The following PEX5L variants were observed in gnomAD, a reference collection of about 807,000 sequenced individuals.
PEX5L encodes the protein peroxisomal biogenesis factor 5 like.
PEX5L carries 30 observed loss-of-function variants against 84.0 expected under a neutral mutation model. The ratio of observed to expected loss-of-function variants is 0.36; its 90% CI spans 0.27 to 0.48. The LOEUF (loss-of-function observed/expected upper bound fraction) is 0.48, where lower values mean the gene tolerates loss of function less well. Among genes scored for constraint, PEX5L ranks in the 20% least tolerant of loss-of-function variants. PEX5L has a pLI of 0.99. For missense variants in PEX5L, 533 were observed against 754.6 expected, an observed-to-expected ratio of 0.71 and a Z score of 3.44; for synonymous variants, 270 against 283.1, an observed-to-expected ratio of 0.95 and a Z score of 0.46.
chr3:179,947,546 G>A (rs1323055925), intron 2 of PEX5L, among the ~76,000 whole-genome samples: 1 of 151,816 alleles, frequency 6.6e-6, no homozygotes, highest in Non-Finnish European at 1.5e-5. Context: ...TACAGTAGTA[G>A]AATAACACAG....
At chr3:179,805,992 AT>A (rs1177211279) in intron 14 of PEX5L, among the ~76,000 whole-genome samples, 6 of 150,390 alleles carry the variant, frequency 4.0e-5, no homozygotes, top group South Asian at 4.1e-4. Context: ...TTGAAAAAAA[AT>A]ATATAAAATA....
intron 7 of PEX5L, 93 bp from the exon 8 acceptor site, chr3:179,859,250 C>T (rs983433651): frequency 2.2e-6 from 2 of 922,506 alleles, no homozygotes; most frequent in African/African-American, 3.3e-5. Flanking sequence ...TTTCACTTCC[C>T]TAGAGTTCAA....
At chr3:179,807,549 C>T (rs900071427) in intron 14 of PEX5L, 125 bp downstream of exon 14, 20 of 855,332 alleles carry the variant, frequency 2.3e-5, no homozygotes, top group Non-Finnish European at 3.5e-5. Flanking sequence ...TCCACATTCA[C>T]CCTTAACGGC....
intron 1 of PEX5L, chr3:179,973,628 T>C: frequency 1.0e-6 from 1 of 985,416 alleles, no homozygotes; most frequent in African/African-American, 1.7e-5. Context: ...ATTCTAAACT[T>C]TCTTGACAAT....
In PEX5L at chr3:179,896,599, C is replaced by G. The variant is rs113653593; in HGVS notation, c.198+1543G>C. Among the ~76,000 whole-genome samples the G allele has an allele frequency of 5.8e-4, 89 of 152,220 alleles. 1 individual carries two copies. The highest frequency in any genetic ancestry group is 2.0e-3 in the African/African-American group (82 of 41,540). On this transcript the variant is annotated intron_variant, in intron 3 of 14. Coordinates refer to ENST00000467460, the MANE Select transcript of PEX5L (RefSeq NM_016559.3). ...TGTGAAAAGATTATCAGAAAGTACA[C>G]AGCAATGCGTGATTTTGTGAAAAAA...
At chr3:179,890,891 G>A (rs767174277) in intron 3 of PEX5L, among the ~76,000 whole-genome samples, 5 of 151,622 alleles carry the variant, frequency 3.3e-5, no homozygotes, top group Admixed American at 6.6e-5. Flanking sequence ...ACATCTAAAT[G>A]GAAAGCAAAG....
intron 1 of PEX5L, among the ~76,000 whole-genome samples, chr3:180,001,171 G>A (rs985244684): frequency 1.3e-5 from 2 of 151,960 alleles, no homozygotes; most frequent in African/African-American, 2.4e-5. Context: ...TCTTTCTCCC[G>A]TGCTGGATGC....
At chr3:179,838,398 A>G (rs1260044840) in intron 8 of PEX5L, among the ~76,000 whole-genome samples, 1 of 152,230 alleles carries the variant, frequency 6.6e-6, no homozygotes, top group Admixed American at 6.5e-5. Flanking sequence ...CAATTTCAAG[A>G]GTATTAAAAG....
chr3:179,928,682 T>A (rs986891402), intron 2 of PEX5L, among the ~76,000 whole-genome samples: 3 of 152,216 alleles, frequency 2.0e-5, no homozygotes, highest in Non-Finnish European at 4.4e-5. Context: ...GTGTTAGATC[T>A]AAAACTCAGT....
At chr3:179,967,241 T>C (rs900546872) in intron 2 of PEX5L, among the ~76,000 whole-genome samples, 2 of 152,174 alleles carry the variant, frequency 1.3e-5, no homozygotes. Context: ...AGCATGGGAC[T>C]GGATGGCAGG....
At chr3:180,006,956 C>T (rs375053649) in intron 1 of PEX5L, among the ~76,000 whole-genome samples, 38 of 152,224 alleles carry the variant, frequency 2.5e-4, no homozygotes, top group Non-Finnish European at 5.3e-4. Flanking sequence ...ATCTCATGTC[C>T]TTACATTTCA....
At chr3:179,988,421 A>AATAAATAG (rs1384682689) in intron 1 of PEX5L, among the ~76,000 whole-genome samples, 2 of 148,114 alleles carry the variant, frequency 1.4e-5, no homozygotes, top group Non-Finnish European at 3.0e-5. Flanking sequence ...TAAATAAATA[A>AATAAATAG]AATAAAAAAA....
At chr3:179,947,897 A>G (rs959603602) in intron 2 of PEX5L, among the ~76,000 whole-genome samples, 8 of 151,838 alleles carry the variant, frequency 5.3e-5, no homozygotes, top group African/African-American at 1.5e-4. Flanking sequence ...TAGTAGAGAC[A>G]GTGTTTCACC....
intron 1 of PEX5L, among the ~76,000 whole-genome samples, chr3:180,005,576 A>G (rs1579314112): frequency 6.6e-6 from 1 of 152,166 alleles, no homozygotes; most frequent in African/African-American, 2.4e-5. Context: ...AAAACACAAA[A>G]AAATTGGCCA....
Position 179,847,100 on chromosome 3 carries a change from T to TAC in PEX5L, c.822+11961_822+11962insGT, listed in dbSNP as rs1312820195. On this transcript the variant is annotated intron_variant, in intron 8 of 14. Coordinates refer to ENST00000467460, the MANE Select transcript of PEX5L (RefSeq NM_016559.3). ...GTGTGTGTATATATATATATATATA[T>TAC]GTATATCCACCCACCCCACCCAACC... Among the ~76,000 whole-genome samples the TAC allele has an allele frequency of 2.7e-5, 4 of 149,018 alleles. No individual in the cohort carries two copies. The East Asian group carries it at 7.8e-4, about 29-fold the overall frequency.
chr3:180,023,833 C>T (rs1024190170), intron 1 of PEX5L, among the ~76,000 whole-genome samples: 4 of 148,244 alleles, frequency 2.7e-5, no homozygotes, highest in Non-Finnish European at 5.9e-5. Flanking sequence ...AGACCCCCTT[C>T]AGAGCCATAC....
intron 8 of PEX5L, among the ~76,000 whole-genome samples, chr3:179,844,481 A>G (rs566021191): frequency 1.2e-4 from 18 of 152,340 alleles, no homozygotes; most frequent in Middle Eastern, 3.4e-3. Flanking sequence ...TTTGGAAAGG[A>G]AGACTGTCTT....
chr3:179,974,993 C>CTTGTTGCA (rs1785580456), intron 1 of PEX5L, among the ~76,000 whole-genome samples: 1 of 152,012 alleles, frequency 6.6e-6, no homozygotes, highest in Non-Finnish European at 1.5e-5. Flanking sequence ...GGCCAGGAGT[C>CTTGTTGCA]CAAGACTAGC....
chr3:180,026,133 C>CTTTTTTTTTT (rs368852075), intron 1 of PEX5L, among the ~76,000 whole-genome samples: 4 of 101,756 alleles, frequency 3.9e-5, no homozygotes, highest in African/African-American at 6.9e-5. Context: ...TTTCAGCATT[C>CTTTTTTTTTT]TTTTTTTTTT....
Sources: gnomAD v4.1 joint callset for allele counts (sites outside exome capture counted in the v4.1 genomes callset) on GRCh38, gnomAD v4.1.1 for gene constraint, MANE v1.5 for transcripts, NCBI Gene and HGNC (gene_info 2026-07-23, HGNC 2026-07-21) for gene names.